The following PPP3CC variants were observed in gnomAD, a reference collection of about 807,000 sequenced individuals.
The protein encoded by PPP3CC is serine/threonine-protein phosphatase 2B catalytic subunit gamma isoform.
In PPP3CC, 35 loss-of-function variants were observed where a neutral mutation model predicts 60.3. The observed-to-expected ratio is 0.58, with a 90% CI of 0.44 to 0.77. PPP3CC has a LOEUF of 0.77. Ranked by LOEUF, PPP3CC falls within the 30% of genes least tolerant of loss-of-function variation. PPP3CC has a pLI of 0.00. For synonymous variants in PPP3CC, 206 were observed against 224.3 expected (o/e 0.92, Z 0.73); for missense variants, 570 against 628.9 (o/e 0.91, Z 1.00).
chr8:22,442,794 T>C (rs1330847633), intron 1 of PPP3CC, among the ~76,000 whole-genome samples: 1 of 152,212 alleles, frequency 6.6e-6, no homozygotes, highest in African/African-American at 2.4e-5. Flanking sequence ...TCAAGGTCAT[T>C]ATGTACATTA....
intron 1 of PPP3CC, among the ~76,000 whole-genome samples, chr8:22,442,936 C>T (rs185768641): frequency 7.2e-5 from 11 of 152,268 alleles, no homozygotes; most frequent in Admixed American, 3.3e-4. Flanking sequence ...GTTTCTCTCT[C>T]CAGTACTGTT....
rs942748744 is a variant in PPP3CC, at chr8:22,541,053, T to C, written c.*251T>C. The stretch of plus-strand genomic sequence containing the variant: ...AATTTTAAGAAATGAATCTGATTGT[T>C]GTCAACACATTTGTGAAGTCTTGTG... On this transcript the variant is annotated 3_prime_UTR_variant, in exon 14 of 14. Coordinates refer to ENST00000240139, the MANE Select transcript of PPP3CC (RefSeq NM_005605.5). 6.6e-5 allele frequency: 18 copies of C among 272,356 alleles called. No individual in the cohort carries two copies. Among genetic ancestry groups the C allele is most frequent in the Non-Finnish European group, 1.1e-4 (16 of 147,164 alleles). The allele number at this position is 272,356 out of a possible 1,614,324, so 16.9% of individuals were successfully genotyped here. A position where few individuals can be genotyped will look rare whatever the true frequency, so the allele number is the denominator to read the frequency against.
intron 10 of PPP3CC, among the ~76,000 whole-genome samples, chr8:22,529,566 C>A (rs1200952666): frequency 6.6e-6 from 1 of 152,154 alleles, no homozygotes; most frequent in Non-Finnish European, 1.5e-5. Flanking sequence ...TCACTGCAAC[C>A]TTCACCTCCC....
At chr8:22,506,744 A>G (rs1209569815) in intron 4 of PPP3CC, among the ~76,000 whole-genome samples, 1 of 150,730 alleles carries the variant, frequency 6.6e-6, no homozygotes, top group African/African-American at 2.4e-5. Context: ...GATTGAGACC[A>G]TCCTGGCGAA....
chr8:22,539,268 TC>T (rs5890041), intron 12 of PPP3CC, among the ~76,000 whole-genome samples, 200 bp from the exon 13 acceptor site: 152,068 of 152,068 alleles, frequency 1, 76,034 homozygotes, highest in Non-Finnish European at 1. Flanking sequence ...TTAGAAACTC[TC>T]CCCCACCCCA....
chr8:22,499,457 G>A (rs10091203), intron 4 of PPP3CC, among the ~76,000 whole-genome samples: 70,537 of 147,362 alleles, frequency 0.48, 16,741 homozygotes, highest in East Asian at 0.61. Flanking sequence ...AAAAAAAAAA[G>A]AAAAAAAAAA....
At chr8:22,516,343 A>T (rs1563767900) in intron 6 of PPP3CC, among the ~76,000 whole-genome samples, 2 of 152,216 alleles carry the variant, frequency 1.3e-5, no homozygotes, top group East Asian at 3.8e-4. Flanking sequence ...AGCATAATAC[A>T]TATTCATTGT....
At chr8:22,505,900 C>CTT (rs1031848968) in intron 4 of PPP3CC, among the ~76,000 whole-genome samples, 1 of 140,430 alleles carries the variant, frequency 7.1e-6, no homozygotes, top group Non-Finnish European at 1.6e-5. Flanking sequence ...GGCATCTTTT[C>CTT]TTTTTTTTTT....
intron 3 of PPP3CC, among the ~76,000 whole-genome samples, chr8:22,489,158 G>A (rs1208815454): frequency 6.6e-6 from 1 of 151,982 alleles, no homozygotes; most frequent in Non-Finnish European, 1.5e-5. Flanking sequence ...AGACCAGTGA[G>A]GATTTAATCT....
chr8:22,521,443 C>G (rs905834944), intron 6 of PPP3CC, among the ~76,000 whole-genome samples: 1 of 152,168 alleles, frequency 6.6e-6, no homozygotes, highest in Non-Finnish European at 1.5e-5. Flanking sequence ...GATTCTGGGT[C>G]TGTAGCTGAA....
rs1439294975 is a variant in PPP3CC, at chr8:22,447,285, T to A, written c.49+5827T>A. Among the ~76,000 whole-genome samples the A allele has an allele frequency of 2.7e-5, 4 of 150,784 alleles. No individual in the cohort carries two copies. In the Admixed American group the frequency reaches 2.7e-4, roughly 10 times the overall value. ...AGCTCTGCCTCCCGGGTTCATGCCA[T>A]TCTCCTGCCTCAGCCTCCTGAGTAG... is the stretch of plus-strand genomic sequence containing the variant. On this transcript the variant is annotated intron_variant, in intron 1 of 13. Coordinates refer to ENST00000240139, the MANE Select transcript of PPP3CC (RefSeq NM_005605.5).
At chr8:22,513,161 C>A in intron 5 of PPP3CC, 132 bp from the exon 6 acceptor site, 1 of 716,924 alleles carries the variant, frequency 1.4e-6, no homozygotes. Context: ...CAGGAAAGTC[C>A]TTTAGGGGCA....
At chr8:22,525,160 A>T (rs1226495245) in intron 8 of PPP3CC, among the ~76,000 whole-genome samples, 1 of 152,166 alleles carries the variant, frequency 6.6e-6, no homozygotes, top group Non-Finnish European at 1.5e-5. Context: ...TAAAAAATAA[A>T]AAAAAAAGTA....
rs1395301380 is a variant in PPP3CC at position 22,444,557 on chromosome 8, T to C, written c.49+3099T>C. On this transcript the variant is annotated intron_variant, in intron 1 of 13. Coordinates refer to ENST00000240139, the MANE Select transcript of PPP3CC (RefSeq NM_005605.5). ...GGGTGAAATCTCGTCGGTAACAATG[T>C]GAAGAGATCAGCACAGTTCTGTCTG... Among the ~76,000 whole-genome samples the C allele has an allele frequency of 2.0e-5, 3 of 152,238 alleles. No homozygotes were observed. The East Asian group carries it at 5.8e-4, about 29-fold the overall frequency.
At chr8:22,518,825 T>C (rs1327606028) in intron 6 of PPP3CC, among the ~76,000 whole-genome samples, 3 of 152,184 alleles carry the variant, frequency 2.0e-5, no homozygotes, top group Non-Finnish European at 4.4e-5. Flanking sequence ...TAGCTGGGAT[T>C]ACAGGCATGC....
At chr8:22,487,609 A>G (rs1218603282) in intron 3 of PPP3CC, among the ~76,000 whole-genome samples, 3 of 152,008 alleles carry the variant, frequency 2.0e-5, no homozygotes, top group Non-Finnish European at 4.4e-5. Context: ...TAGGTGACTG[A>G]GTGAGACTCT....
chr8:22,475,417 G>T, intron 2 of PPP3CC, 83 bp from the exon 3 acceptor site: 3 of 1,434,536 alleles, frequency 2.1e-6, no homozygotes, highest in Non-Finnish European at 2.8e-6. Context: ...TAAGTTAGAA[G>T]TTAAACTGTG....
intron 1 of PPP3CC, among the ~76,000 whole-genome samples, chr8:22,474,567 G>A (rs1837830086): frequency 6.6e-6 from 1 of 151,990 alleles, no homozygotes; most frequent in Admixed American, 6.6e-5. Flanking sequence ...AGCCAGGTGT[G>A]GTGGCATGCT....
At chr8:22,510,577 G>T (rs975623292) in intron 4 of PPP3CC, among the ~76,000 whole-genome samples, 1 of 152,192 alleles carries the variant, frequency 6.6e-6, no homozygotes, top group Non-Finnish European at 1.5e-5. Context: ...TTTCAGTGGA[G>T]TGGTCCTCAC....
Sources: gnomAD v4.1 joint callset for allele counts (sites outside exome capture counted in the v4.1 genomes callset) on GRCh38, gnomAD v4.1.1 for gene constraint, MANE v1.5 for transcripts, NCBI Gene and HGNC (gene_info 2026-07-23, HGNC 2026-07-21) for gene names.